ABCB9: variants seen among roughly 807,000 people sequenced by gnomAD.
The protein encoded by ABCB9 is ABC-type oligopeptide transporter ABCB9.
A neutral mutation model predicts 62.0 loss-of-function variants in ABCB9; 36 were observed. The observed-to-expected ratio is 0.58, with a 90% CI of 0.45 to 0.77. ABCB9 has a LOEUF of 0.77. ABCB9 is among the 30% of genes least tolerant of loss of function. The pLI, the probability that ABCB9 is intolerant of heterozygous loss-of-function variation, is 0.00. For synonymous variants in ABCB9, 435 were observed against 461.4 expected (o/e 0.94, Z 0.73); for missense variants, 943 against 1,054.7 (o/e 0.89, Z 1.47).
At chr12:122,945,297 T>G (rs562635058) in intron 6 of ABCB9, among the ~76,000 whole-genome samples, 36 of 152,052 alleles carry the variant, frequency 2.4e-4, no homozygotes, top group African/African-American at 8.4e-4. Context: ...ACCCTCCTCA[T>G]TCCTCCGCAG....
intron 1 of ABCB9, among the ~76,000 whole-genome samples, chr12:122,973,521 G>A (rs2037313313): frequency 8.0e-6 from 1 of 125,568 alleles, no homozygotes; most frequent in East Asian, 2.6e-4. Flanking sequence ...CCGAGATTGC[G>A]CCACTGCAGT....
chr12:122,921,462 G>A (rs982798592), intron 11 of ABCB9, among the ~76,000 whole-genome samples: 1 of 151,840 alleles, frequency 6.6e-6, no homozygotes, highest in Non-Finnish European at 1.5e-5. Flanking sequence ...GTTATGTTAT[G>A]TGTATTTTAC....
At chr12:122,931,697 G>A (rs547344933) in intron 11 of ABCB9, 19 of 168,298 alleles carry the variant, frequency 1.1e-4, no homozygotes, top group Non-Finnish European at 1.9e-4. Context: ...AGGCTGGAGT[G>A]CAGTGGCACA....
intron 1 of ABCB9, 117 bp from the exon 2 acceptor site, chr12:122,960,439 G>A: frequency 4.2e-6 from 3 of 709,006 alleles, no homozygotes; most frequent in Admixed American, 3.0e-5. Flanking sequence ...TCTGTAAAAT[G>A]GCAATATCAA....
At chr12:122,941,044 G>C in intron 7 of ABCB9, 49 bp from the exon 8 acceptor site, 1 of 1,515,336 alleles carries the variant, frequency 6.6e-7, no homozygotes, top group Non-Finnish European at 8.9e-7. Context: ...CCGACTCCTG[G>C]GACCCACCCC....
chr12:122,929,943 C>T lies in ABCB9; in HGVS notation c.2269G>A (p.Glu757Lys), dbSNP rs375922544. The T allele has an allele frequency of 6.4e-5, 101 of 1,569,542 alleles. 1 individual carries two copies. Among genetic ancestry groups the T allele is most frequent in the Middle Eastern group, 1.8e-4 (1 of 5,588 alleles). The change falls in exon 12 of 12, where the codon GAG becomes AAG. Residue 757 changes from glutamate (E) to lysine (K), a missense_variant. Glu to Lys is a moderately conservative substitution (Grantham distance 56, BLOSUM62 1). Transcript: ENST00000280560. This position sits in a 1 kb window ranked among gnomAD's most constrained non-coding sequence, Gnocchi z 6.0. ...TTGTGACTGCCGTTGGCTACAGGCTCGTTGTGGCCAGCTGTGAAGTCTGCG... is the reference window on the plus strand; with the variant it reads ...TTGTGACTGCCGTTGGCTACAGGCTTGTTGTGGCCAGCTGTGAAGTCTGCG... The part of the protein sequence containing the change: ...PAADFTAGHN[E>K]PVANGSHKA
chr12:122,947,616 T>C lies in ABCB9; in HGVS notation c.1053+1008A>G. 3.3e-6 allele frequency: 1 copy of C among 302,586 alleles called. No homozygotes were observed. Among genetic ancestry groups the C allele is most frequent in the Non-Finnish European group, 7.1e-6 (1 of 141,290 alleles). The allele number at this position is 302,586 out of a possible 1,614,324, so 18.7% of individuals were successfully genotyped here. A position where few individuals can be genotyped will look rare whatever the true frequency, so the allele number is the denominator to read the frequency against. ...TGTCTGAACCCAGCCTGTCTGTCCC[T>C]TAGGGCTCGGGGGCACCCGCCCATT... On this transcript the variant is annotated intron_variant, in intron 5 of 11. Transcript: ENST00000280560. The surrounding 1 kb of genome is among the most constrained non-coding windows in gnomAD (Gnocchi z 6.0).
At position 122,936,195 on chromosome 12, in the gene ABCB9, T is replaced by C. The variant is rs183670477; in HGVS notation, c.1744-764A>G. ...GTGACAGTGCATCCTTAAAACTGAATTGTAATAGATACATATACACAGCAT... is the reference window on the plus strand; with the variant it reads ...GTGACAGTGCATCCTTAAAACTGAACTGTAATAGATACATATACACAGCAT... On this transcript the variant is annotated intron_variant, in intron 9 of 11. Coordinates refer to ENST00000280560, the MANE Select transcript of ABCB9 (RefSeq NM_019625.4). 1.2e-3 allele frequency among the ~76,000 whole-genome samples: 179 copies of C among 152,320 alleles called. 3 individuals carry two copies. Among genetic ancestry groups the C allele is most frequent in the Non-Finnish European group, 1.0e-4 (7 of 68,038 alleles).
intron 1 of ABCB9, among the ~76,000 whole-genome samples, chr12:122,963,095 C>T (rs1268395667): frequency 4.6e-5 from 7 of 152,124 alleles, no homozygotes; most frequent in East Asian, 1.9e-4. Context: ...CTCACGAGTT[C>T]GATTCCAGCC....
In ABCB9 at chr12:122,959,759, A is replaced by G; in HGVS notation, c.477T>C (p.Pro159=). ...GCTCGGGCGGTGGCCGGCCGCTCCC[A>G]GGGAAGCCCTCAGCCTCGGTGGCCG... The part of the protein sequence containing the change: ...PGAATEAEGF[P]GSGRPPPEQA... Residue 159 remains proline, a synonymous_variant, in exon 2 of 12, where the codon CCT becomes CCC. Transcript: ENST00000280560. This position sits in a 1 kb window ranked among gnomAD's most constrained non-coding sequence, Gnocchi z 5.4. 1 of 1,611,814 alleles carries G rather than the reference A, an allele frequency of 6.2e-7. No individual in the cohort carries two copies. Among genetic ancestry groups the G allele is most frequent in the Non-Finnish European group, 8.5e-7 (1 of 1,179,152 alleles).
chr12:122,920,894 C>T (rs2034730502), downstream of ABCB9: 3 of 866,518 alleles, frequency 3.5e-6, no homozygotes, highest in South Asian at 4.8e-5. Context: ...GCCTGGGCAA[C>T]AGAGTGAGAC....
chr12:122,927,953 A>C (rs971442932), downstream of ABCB9, among the ~76,000 whole-genome samples: 10 of 152,204 alleles, frequency 6.6e-5, no homozygotes, highest in African/African-American at 2.4e-4. Context: ...GCTTCCTAAA[A>C]TCAAAAAGGA....
chr12:122,950,683 C>T lies in ABCB9; in HGVS notation c.602-118G>A. 3.7e-6 allele frequency: 3 copies of T among 806,820 alleles called. 1 individual carries two copies. Among genetic ancestry groups the T allele is most frequent in the Middle Eastern group, 7.0e-4 (2 of 2,872 alleles). 50.0% of individuals were successfully genotyped at this position (806,820 alleles called of 1,614,324 possible). A position where few individuals can be genotyped will look rare whatever the true frequency, so the allele number is the denominator to read the frequency against. The stretch of plus-strand genomic sequence containing the variant: ...CTGCCCACTCCACCGGTGGGCTTTC[C>T]TCCCTCGGCAAACTCTTGCTGCCCA... On this transcript the variant is annotated intron_variant, in intron 2 of 11. Coordinates refer to ENST00000280560, the MANE Select transcript of ABCB9 (RefSeq NM_019625.4).
chr12:122,973,413 A>C (rs1269831794), intron 1 of ABCB9, among the ~76,000 whole-genome samples: 1 of 146,560 alleles, frequency 6.8e-6, no homozygotes. Flanking sequence ...AAATACAAAA[A>C]ATTAGCCGGG....
rs2036026733 is a variant in ABCB9, at chr12:122,946,017, G to A, written c.1251+8C>T. ...CACAGCCAGAGCTGCCTGGCCAGGG[G>A]CACGTACCCCGCTGCCCCAGACGTA... On this transcript the variant is annotated splice_region_variant and intron_variant, in intron 6 of 11. Transcript: ENST00000280560. 3.7e-6 allele frequency: 6 copies of A among 1,612,884 alleles called. No individual in the cohort carries two copies. The highest frequency in any genetic ancestry group is 1.3e-5 in the African/African-American group (1 of 74,984).
Position 122,944,868 on chromosome 12 carries a change from G to C in ABCB9, c.1252-349C>G, listed in dbSNP as rs941787499. Among the ~76,000 whole-genome samples the C allele has an allele frequency of 6.6e-6, 1 of 152,244 alleles. No individual in the cohort carries two copies. The highest frequency in any genetic ancestry group is 1.5e-5 in the Non-Finnish European group (1 of 68,040). On this transcript the variant is annotated intron_variant, in intron 6 of 11. Transcript: ENST00000280560. This position sits in a 1 kb window ranked among gnomAD's most constrained non-coding sequence, Gnocchi z 4.9. ...GAAGAGCATGACTCAGAGAGGGCAAGTGCCCTGGCTAAGGTCACACAGTGA... is the reference window on the plus strand; with the variant it reads ...GAAGAGCATGACTCAGAGAGGGCAACTGCCCTGGCTAAGGTCACACAGTGA...
In ABCB9 at chr12:122,929,750, G is replaced by T; in HGVS notation, c.*161C>A. On this transcript the variant is annotated 3_prime_UTR_variant, in exon 12 of 12. Transcript: ENST00000280560. This position sits in a 1 kb window ranked among gnomAD's most constrained non-coding sequence, Gnocchi z 6.0. Reference sequence around the variant, plus strand: ...AGGAGTGCCCTGGGAATGGGGCAGGGACCAGGGGCAAGATGCAGGAAGCGG... The same window carrying T: ...AGGAGTGCCCTGGGAATGGGGCAGGTACCAGGGGCAAGATGCAGGAAGCGG... 8 of 1,408,858 alleles carry T rather than the reference G, an allele frequency of 5.7e-6. No individual in the cohort carries two copies. The South Asian group carries it at 9.8e-5, about 17-fold the overall frequency. The allele number at this position is 1,408,858 out of a possible 1,614,324, so 87.3% of individuals were successfully genotyped here.
Position 122,959,837 on chromosome 12 carries a change from G to C in ABCB9, c.399C>G (p.Leu133=), listed in dbSNP as rs553556024. 29 of 1,613,216 alleles carry C rather than the reference G, an allele frequency of 1.8e-5. No individual in the cohort carries two copies. Among genetic ancestry groups the C allele is most frequent in the Non-Finnish European group, 2.5e-5 (29 of 1,179,796 alleles). The change falls in exon 2 of 12, where the codon CTC becomes CTG. Residue 133 remains leucine (L), a synonymous_variant. Transcript: ENST00000280560. The surrounding 1 kb of genome is among the most constrained non-coding windows in gnomAD (Gnocchi z 5.4). ...TYISLGASFL[L]WWLLSTVRPG... is the part of the protein sequence containing the mutation. ...GCCGCACGGTGGACAGCAGCCACCA[G>C]AGCAGGAAGGATGCGCCGAGTGAAA...
chr12:122,937,869 G>A (rs2035539786), intron 9 of ABCB9, among the ~76,000 whole-genome samples: 1 of 152,180 alleles, frequency 6.6e-6, no homozygotes. Flanking sequence ...ACCATCCAGG[G>A]CATCCCTGCT....
Sources: allele counts gnomAD v4.1 joint callset (sites outside exome capture counted in the v4.1 genomes callset), GRCh38; gene constraint gnomAD v4.1.1; non-coding constraint Gnocchi (gnomAD v3.1); transcripts MANE v1.5; gene names NCBI Gene and HGNC (gene_info 2026-07-23, HGNC 2026-07-21).